GSE1: variants seen among roughly 807,000 people sequenced by gnomAD.
GSE1 encodes Gse1 coiled-coil protein, also known as genetic suppressor element 1.
GSE1 carries 32 observed loss-of-function variants against 112.6 expected under a neutral mutation model. That is an observed-to-expected ratio of 0.28 (90% CI 0.21 to 0.38). The LOEUF (loss-of-function observed/expected upper bound fraction) is 0.38, where lower values mean the gene tolerates loss of function less well. GSE1 is among the 10% of genes least tolerant of loss of function. The pLI is 1.00. For synonymous variants in GSE1, 1,115 were observed against 735.6 expected (o/e 1.52, Z -8.35); for missense variants, 2,348 against 1,699.2 (o/e 1.38, Z -6.71).
chr16:85,354,867 C>T (rs992056483), intron 1 of GSE1, among the ~76,000 whole-genome samples: 17 of 152,258 alleles, frequency 1.1e-4, no homozygotes, highest in African/African-American at 3.9e-4. Context: ...GGCAAGGCTG[C>T]AGGAGTAGCT....
chr16:85,568,646 C>T (rs2045858288), intron 1 of GSE1, among the ~76,000 whole-genome samples: 1 of 152,190 alleles, frequency 6.6e-6, no homozygotes, highest in Non-Finnish European at 1.5e-5. Flanking sequence ...CAGATACGGG[C>T]TTATTACCCA....
intron 2 of GSE1, among the ~76,000 whole-genome samples, chr16:85,368,444 C>T (rs2047231305): frequency 6.6e-6 from 1 of 152,158 alleles, no homozygotes; most frequent in Non-Finnish European, 1.5e-5. Context: ...GTGGCTCCTG[C>T]CTGTAATCCC....
chr16:85,435,710 A>AGAAATTCCCTCTCCT (rs11268120), intron 2 of GSE1, among the ~76,000 whole-genome samples: 124,873 of 151,366 alleles, frequency 0.82, 51,746 homozygotes, highest in African/African-American at 0.9. Context: ...AATGGGCAGC[A>AGAAATTCCCTCTCCT]GAAATTCCCT....
chr16:85,259,091 G>C (rs904200679), intron 1 of GSE1, among the ~76,000 whole-genome samples: 1 of 152,154 alleles, frequency 6.6e-6, no homozygotes, highest in African/African-American at 2.4e-5. Context: ...GCCCGGGCAG[G>C]ATAGGGGCTC....
intron 2 of GSE1, chr16:85,490,491 C>T (rs774675004): frequency 2.0e-5 from 3 of 152,286 alleles, no homozygotes; most frequent in Non-Finnish European, 4.4e-5. Context: ...GCATCGTAGC[C>T]AGAAGGAATG....
chr16:85,555,974 C>T (rs2151260396), exon 1 of GSE1: 2 of 984,772 alleles, frequency 2.0e-6, no homozygotes, highest in Non-Finnish European at 2.4e-6. Context: ...ATTTGCATCT[C>T]AAGTCCAAAA....
At chr16:85,346,421 G>A (rs995273033) in intron 1 of GSE1, among the ~76,000 whole-genome samples, 2 of 32,966 alleles carry the variant, frequency 6.1e-5, no homozygotes, top group Non-Finnish European at 1.2e-4. Flanking sequence ...GTGGATGGGT[G>A]ATGGACAGGT....
At chr16:85,507,717 C>T (rs1319997655) in intron 2 of GSE1, among the ~76,000 whole-genome samples, 2 of 152,148 alleles carry the variant, frequency 1.3e-5, no homozygotes, top group East Asian at 3.9e-4. Context: ...CGGGTGACCT[C>T]ATTTGACCTT....
intron 2 of GSE1, among the ~76,000 whole-genome samples, chr16:85,374,491 G>A (rs559671586): frequency 3.1e-4 from 47 of 151,344 alleles, no homozygotes; most frequent in Admixed American, 2.7e-3. Flanking sequence ...GTGTGGGTGT[G>A]TGGCTCTCAG....
Position 85,654,805 on chromosome 16 carries a change from C to T in GSE1, c.611C>T (p.Pro204Leu), listed in dbSNP as rs1255328332. The part of the protein sequence containing the change: ...SRFPPLNLQR[P>L]VHHVVPPSTV... ...ATCCCCGCCTGCAGCCTCCAGCGGC[C>T]CGTGCACCACGTGGTGCCCCCCAGT... The change falls in exon 5 of 16, where the codon CCC becomes CTC. Residue 204 changes from proline to leucine, a missense_variant. Pro to Leu is a moderately conservative substitution (Grantham distance 98). Coordinates refer to ENST00000253458, the MANE Select transcript of GSE1 (RefSeq NM_014615.5). 6.2e-7 allele frequency: 1 copy of T among 1,609,998 alleles called. No individual in the cohort carries two copies. The highest frequency in any genetic ancestry group is 8.5e-7 in the Non-Finnish European group (1 of 1,178,240).
intron 1 of GSE1, among the ~76,000 whole-genome samples, chr16:85,590,174 TTGTG>T (rs1427167092): frequency 2.0e-5 from 3 of 151,912 alleles, no homozygotes; most frequent in African/African-American, 7.3e-5. Flanking sequence ...GTGTGTGACA[TTGTG>T]TATGTCACTG....
In GSE1 at chr16:85,293,643, G is replaced by A. The variant is rs116990796; in HGVS notation, c.2284-63820G>A. Among the ~76,000 whole-genome samples, 19 of 152,288 alleles carry A rather than the reference G, an allele frequency of 1.2e-4. No individual in the cohort carries two copies. In the East Asian group the frequency reaches 3.5e-3, roughly 28 times the overall value. ...CGAAGTCCGGAATCAGGGTGTCAGCGGGACGGCTTCCTTCTGCTGGAGCTA... is the reference window on the plus strand; with the variant it reads ...CGAAGTCCGGAATCAGGGTGTCAGCAGGACGGCTTCCTTCTGCTGGAGCTA... On this transcript the variant is annotated intron_variant, in intron 1 of 2. Transcript: ENST00000637419.
intron 2 of GSE1, among the ~76,000 whole-genome samples, chr16:85,375,728 C>T (rs755158859): frequency 2.3e-4 from 16 of 70,474 alleles, no homozygotes; most frequent in Non-Finnish European, 5.3e-4. Context: ...GGCGAGGGAA[C>T]CACACAGGCC....
At position 85,657,331 on chromosome 16, in the gene GSE1, A is replaced by G. The variant is rs1178233062; in HGVS notation, c.1367A>G (p.His456Arg). ...CCCAAGCCCGTCCAACACCCCTTGC[A>G]TCCGGTGCCCACCCCACACCACACG... ...QAPKPVQHPL[H>R]PVPTPHHTVP... The change falls in exon 8 of 16, where the codon CAT becomes CGT. Residue 456 changes from histidine (H) to arginine (R), a missense_variant. His to Arg is a conservative substitution (Grantham distance 29). Transcript: ENST00000253458. The G allele has an allele frequency of 1.2e-6, 2 of 1,606,330 alleles. No homozygotes were observed. The highest frequency in any genetic ancestry group is 1.7e-6 in the Non-Finnish European group (2 of 1,177,252).
chr16:85,227,862 G>A (rs1482647599), intron 1 of GSE1, among the ~76,000 whole-genome samples: 1 of 152,252 alleles, frequency 6.6e-6, no homozygotes, highest in Non-Finnish European at 1.5e-5. Flanking sequence ...ATACAGCAGT[G>A]AACAAGAGAG....
chr16:85,181,718 G>A lies in GSE1; in HGVS notation c.2283+9911G>A, dbSNP rs1567593241. Among the ~76,000 whole-genome samples, 4 of 152,294 alleles carry A rather than the reference G, an allele frequency of 2.6e-5. No individual in the cohort carries two copies. In the East Asian group the frequency reaches 5.8e-4, roughly 22 times the overall value. ...TGATAAGGGCGGCAGCTGAAAAGTG[G>A]CGTGGGGCCTCCACACTTCCAGACA... On this transcript the variant is annotated intron_variant, in intron 1 of 2. Coordinates refer to the GSE1 transcript ENST00000637419.
At chr16:85,529,321 G>A (rs142478974) in intron 2 of GSE1, among the ~76,000 whole-genome samples, 1 of 152,338 alleles carries the variant, frequency 6.6e-6, no homozygotes, top group African/African-American at 2.4e-5. Context: ...CAGAGTCTCT[G>A]GGTTGCAGCT....
At chr16:85,525,846 G>A (rs1418369362) in intron 2 of GSE1, among the ~76,000 whole-genome samples, 1 of 152,178 alleles carries the variant, frequency 6.6e-6, no homozygotes, top group Non-Finnish European at 1.5e-5. Context: ...GGACCTGCCT[G>A]CCTAGTAGAG....
intron 2 of GSE1, among the ~76,000 whole-genome samples, chr16:85,448,975 C>A (rs1215513846): frequency 6.6e-6 from 1 of 152,210 alleles, no homozygotes; most frequent in East Asian, 1.9e-4. Context: ...CCCGCCCCTC[C>A]ACCCGCTCAG....
Sources: allele counts gnomAD v4.1 joint callset (sites outside exome capture counted in the v4.1 genomes callset), GRCh38; gene constraint gnomAD v4.1.1; transcripts MANE v1.5; gene names NCBI Gene and HGNC (gene_info 2026-07-23, HGNC 2026-07-21).